The following PLGRKT variants were observed in gnomAD, a reference collection of about 807,000 sequenced individuals.
The protein encoded by PLGRKT is plasminogen receptor with a C-terminal lysine, also known as plasminogen receptor (KT).
PLGRKT carries 22 observed loss-of-function variants against 18.5 expected under a neutral mutation model. That is an observed-to-expected ratio of 1.19 (90% CI 0.85 to 1.70). PLGRKT has a LOEUF of 1.70. Among genes scored for constraint, PLGRKT ranks in the 40% most tolerant of loss-of-function variants. The pLI, the probability that PLGRKT is intolerant of heterozygous loss-of-function variation, is 0.00. For synonymous variants in PLGRKT, 72 were observed against 52.8 expected (o/e 1.36, Z -1.58); for missense variants, 235 against 174.4 (o/e 1.35, Z -1.96).
At chr9:5,359,472 A>G (rs1394736715) in intron 5 of PLGRKT, among the ~76,000 whole-genome samples, 1 of 152,222 alleles carries the variant, frequency 6.6e-6, no homozygotes, top group African/African-American at 2.4e-5. Flanking sequence ...TCAAATAGCA[A>G]GTAAAATTCA....
At chr9:5,402,685 A>G (rs1430989050) in intron 3 of PLGRKT, among the ~76,000 whole-genome samples, 2 of 151,946 alleles carry the variant, frequency 1.3e-5, no homozygotes, top group Non-Finnish European at 2.9e-5. Flanking sequence ...CATCAAACAG[A>G]GAATGTTCAG....
At chr9:5,362,639 T>C (rs1817292611) in intron 3 of PLGRKT, among the ~76,000 whole-genome samples, 1 of 152,204 alleles carries the variant, frequency 6.6e-6, no homozygotes, top group Admixed American at 6.5e-5. Context: ...TACATGTCAT[T>C]AGCCAAGCTA....
intron 3 of PLGRKT, among the ~76,000 whole-genome samples, chr9:5,422,683 C>G (rs1318749159): frequency 6.6e-6 from 1 of 151,878 alleles, no homozygotes; most frequent in African/African-American, 2.4e-5. Flanking sequence ...GCTAATTTAG[C>G]TAAATATGGT....
intron 2 of PLGRKT, among the ~76,000 whole-genome samples, chr9:5,436,175 C>T (rs1044826546): frequency 2.6e-5 from 4 of 152,196 alleles, no homozygotes; most frequent in African/African-American, 4.8e-5. Flanking sequence ...CTAACAGTCC[C>T]ATGCGACTCA....
At chr9:5,384,607 C>G (rs962392862) in intron 3 of PLGRKT, among the ~76,000 whole-genome samples, 3 of 152,076 alleles carry the variant, frequency 2.0e-5, no homozygotes, top group African/African-American at 7.2e-5. Flanking sequence ...TAGACTGAAT[C>G]ATCTGTGGAA....
At chr9:5,368,688 A>G (rs1425701576) in intron 3 of PLGRKT, among the ~76,000 whole-genome samples, 1 of 152,186 alleles carries the variant, frequency 6.6e-6, no homozygotes, top group African/African-American at 2.4e-5. Flanking sequence ...AGCGCCACAC[A>G]TAATAAACCT....
intron 3 of PLGRKT, among the ~76,000 whole-genome samples, chr9:5,427,926 T>A (rs979185339): frequency 5.9e-5 from 9 of 152,196 alleles, no homozygotes; most frequent in African/African-American, 2.2e-4. Context: ...CTCACTGTCC[T>A]ATGTGTTAAA....
chr9:5,402,981 T>C (rs1421255019), intron 3 of PLGRKT, among the ~76,000 whole-genome samples: 2 of 151,772 alleles, frequency 1.3e-5, no homozygotes. Flanking sequence ...AAGAAACTTA[T>C]AGAACAGACC....
chr9:5,435,126 C>G (rs955551832), intron 2 of PLGRKT, among the ~76,000 whole-genome samples: 1 of 151,918 alleles, frequency 6.6e-6, no homozygotes, highest in Non-Finnish European at 1.5e-5. Context: ...ACAGCATGCT[C>G]GTTAAGAGTC....
chr9:5,412,139 C>G lies in PLGRKT; in HGVS notation c.81+19758G>C, dbSNP rs7855266. On this transcript the variant is annotated intron_variant, in intron 3 of 5. Coordinates refer to ENST00000223864, the MANE Select transcript of PLGRKT (RefSeq NM_018465.4). ...ACCAGTGAATTAGAGTGTCCAGAAA[C>G]AAATGCAAGTACATACAGAGACTTA... 7.8e-3 allele frequency among the ~76,000 whole-genome samples: 1,189 copies of G among 151,996 alleles called. 18 individuals carry two copies. The highest frequency in any genetic ancestry group is 0.028 in the African/African-American group (1,156 of 41,280).
In PLGRKT at chr9:5,370,386, A is replaced by G. The variant is rs73639294; in HGVS notation, c.82-8498T>C. On this transcript the variant is annotated intron_variant, in intron 3 of 5. Coordinates refer to ENST00000223864, the MANE Select transcript of PLGRKT (RefSeq NM_018465.4). ...ATTAAATTTCATTTGGACACACAAA[A>G]CATTGTATAACACAAAGGCAATGAC... Among the ~76,000 whole-genome samples, 956 of 152,330 alleles carry G rather than the reference A, an allele frequency of 6.3e-3. 9 individuals carry two copies. The highest frequency in any genetic ancestry group is 0.022 in the African/African-American group (902 of 41,576).
intron 3 of PLGRKT, among the ~76,000 whole-genome samples, chr9:5,390,207 ATGTGTGTGCGTGTGTGTG>A (rs1255494787): frequency 1.4e-5 from 2 of 143,860 alleles, no homozygotes; most frequent in Admixed American, 7.0e-5. Context: ...GAATGTGTAT[ATGTGTGTGCGTGTGTGTG>A]TGTGTGTGTG....
chr9:5,376,435 T>C (rs1277050786), intron 3 of PLGRKT, among the ~76,000 whole-genome samples: 1 of 152,216 alleles, frequency 6.6e-6, no homozygotes, highest in Non-Finnish European at 1.5e-5. Context: ...CTGTAAAATA[T>C]GGGTAATAAT....
chr9:5,388,788 T>C (rs1204597911), intron 3 of PLGRKT, among the ~76,000 whole-genome samples: 1 of 152,068 alleles, frequency 6.6e-6, no homozygotes, highest in Non-Finnish European at 1.5e-5. Context: ...AGTTTCCTCG[T>C]CTACAAAGTG....
intron 3 of PLGRKT, among the ~76,000 whole-genome samples, chr9:5,420,021 C>A (rs774300087): frequency 1.1e-4 from 17 of 152,166 alleles, no homozygotes; most frequent in Admixed American, 2.0e-4. Context: ...TATATCCATA[C>A]AATGGATGAT....
intron 3 of PLGRKT, among the ~76,000 whole-genome samples, chr9:5,389,829 A>G (rs1209808017): frequency 6.6e-6 from 1 of 151,932 alleles, no homozygotes; most frequent in African/African-American, 2.4e-5. Context: ...AACCAGCTTC[A>G]TAGTATGTGA....
intron 3 of PLGRKT, among the ~76,000 whole-genome samples, chr9:5,397,166 G>A (rs1191596791): frequency 2.0e-5 from 3 of 151,936 alleles, no homozygotes; most frequent in Non-Finnish European, 2.9e-5. Context: ...AGTGGCAACA[G>A]ATTGTAGGCT....
chr9:5,384,024 T>G, intron 3 of PLGRKT, among the ~76,000 whole-genome samples: 1 of 152,218 alleles, frequency 6.6e-6, no homozygotes. Flanking sequence ...GCCACTCCAC[T>G]GTCACAGCGC....
intron 3 of PLGRKT, among the ~76,000 whole-genome samples, chr9:5,385,970 A>G (rs567414765): frequency 1.3e-5 from 2 of 151,728 alleles, no homozygotes; most frequent in South Asian, 4.1e-4. Context: ...TTATATTTGG[A>G]TTTGGATTCC....
Sources: gnomAD v4.1 joint callset for allele counts (sites outside exome capture counted in the v4.1 genomes callset) on GRCh38, gnomAD v4.1.1 for gene constraint, MANE v1.5 for transcripts, NCBI Gene and HGNC (gene_info 2026-07-23, HGNC 2026-07-21) for gene names.